SLC30A9: variants seen among roughly 807,000 people sequenced by gnomAD.
SLC30A9 encodes solute carrier family 30 member 9, also known as proton-coupled zinc antiporter SLC30A9, mitochondrial.
SLC30A9 carries 58 observed loss-of-function variants against 87.5 expected under a neutral mutation model. That is an observed-to-expected ratio of 0.66 (90% confidence interval 0.54 to 0.82). SLC30A9 has a LOEUF of 0.82. Among genes scored for constraint, SLC30A9 ranks in the 40% least tolerant of loss-of-function variants. The pLI is 0.00. For missense variants in SLC30A9, 557 were observed against 679.1 expected, an observed-to-expected ratio of 0.82 and a Z score of 2.00; for synonymous variants, 234 against 233.0, an observed-to-expected ratio of 1.00 and a Z score of -0.04.
In SLC30A9 at chr4:42,070,698, C is replaced by T; in HGVS notation, c.1418+7C>T. On this transcript the variant is annotated splice_region_variant and intron_variant, in intron 15 of 17. Coordinates refer to ENST00000264451, the MANE Select transcript of SLC30A9 (RefSeq NM_006345.4). ...AGAATGACCCATCAGTAAGGTCAGC[C>T]TTATTCCAGTAATCCTGTTAAGGCT... 7 of 1,610,560 alleles carry T rather than the reference C, an allele frequency of 4.3e-6. No homozygotes were observed. Among genetic ancestry groups the T allele is most frequent in the Non-Finnish European group, 5.9e-6 (7 of 1,178,070 alleles).
chr4:42,085,061 C>T (rs1179763389), intron 17 of SLC30A9, among the ~76,000 whole-genome samples: 1 of 152,204 alleles, frequency 6.6e-6, no homozygotes, highest in African/African-American at 2.4e-5. Context: ...GTCTTTCCAG[C>T]CTCATTACCA....
Position 42,001,739 on chromosome 4 carries a change from C to T in SLC30A9, c.233C>T (p.Ser78Leu), listed in dbSNP as rs1288615379. The change falls in exon 2 of 18, where the codon TCA (serine) becomes TTA (leucine). Residue 78 changes from serine to leucine, a missense_variant. By Grantham distance (145) the Ser-to-Leu change is moderately radical. Coordinates refer to ENST00000264451, the MANE Select transcript of SLC30A9 (RefSeq NM_006345.4). Reference sequence around the variant, plus strand: ...AATGTTCAGAAAGAAGGACAGGGATCACAAACACTCAGAGTGGAAAAAGTA... The same window carrying T: ...AATGTTCAGAAAGAAGGACAGGGATTACAAACACTCAGAGTGGAAAAAGTA... ...STNVQKEGQGSQTLRVEKVPS... is the reference protein window; with the variant it reads ...STNVQKEGQGLQTLRVEKVPS... 6.2e-7 allele frequency: 1 copy of T among 1,610,860 alleles called. No individual in the cohort carries two copies. Among genetic ancestry groups the T allele is most frequent in the Admixed American group, 1.7e-5 (1 of 59,452 alleles).
chr4:42,034,943 T>C (rs151272129), intron 6 of SLC30A9, among the ~76,000 whole-genome samples: 34 of 152,294 alleles, frequency 2.2e-4, no homozygotes, highest in African/African-American at 7.5e-4. Context: ...CCTTGTTATT[T>C]TCTGTTTCTT....
At chr4:42,046,990 G>A (rs1053397839) in intron 8 of SLC30A9, among the ~76,000 whole-genome samples, 2 of 152,184 alleles carry the variant, frequency 1.3e-5, no homozygotes, top group African/African-American at 2.4e-5. Flanking sequence ...AAGGATTCCC[G>A]ATTTAATAAA....
rs377400378 is a variant in SLC30A9, at chr4:42,005,864, A to G, written c.274+4084A>G. Among the ~76,000 whole-genome samples the G allele has an allele frequency of 3.3e-5, 5 of 152,206 alleles. No individual in the cohort carries two copies. In the East Asian group the frequency reaches 9.6e-4, roughly 29 times the overall value. ...TTGAGCACTTTTTATATGGCAGCAA[A>G]TGAGAATGACTCAGAGTTGATTACT... On this transcript the variant is annotated intron_variant, in intron 2 of 17. Coordinates refer to ENST00000264451, the MANE Select transcript of SLC30A9 (RefSeq NM_006345.4).
rs926711501 is a variant in SLC30A9, at chr4:42,088,383, A to T, written c.*2257A>T. 8 of 152,242 alleles carry T rather than the reference A, an allele frequency of 5.3e-5. No homozygotes were observed. Among genetic ancestry groups the T allele is most frequent in the African/African-American group, 1.9e-4 (8 of 41,420 alleles). The allele number at this position is 152,242 out of a possible 1,614,324, so 9.4% of individuals were successfully genotyped here. On this transcript the variant is annotated 3_prime_UTR_variant, in exon 18 of 18. Coordinates refer to ENST00000264451, the MANE Select transcript of SLC30A9 (RefSeq NM_006345.4). ...AACACAGCGAGACCTCATCTCTACTAAAAAAAGTTAGCCGGGTGTGGTGGT... is the reference window on the plus strand; with the variant it reads ...AACACAGCGAGACCTCATCTCTACTTAAAAAAGTTAGCCGGGTGTGGTGGT...
intron 17 of SLC30A9, among the ~76,000 whole-genome samples, chr4:42,079,952 A>G (rs1049101376): frequency 2.0e-5 from 3 of 152,124 alleles, no homozygotes; most frequent in Admixed American, 1.3e-4. Flanking sequence ...TTCCAAAATG[A>G]AAAAACGTAG....
chr4:42,066,514 G>C (rs748036091), intron 12 of SLC30A9, 36 bp from the exon 13 acceptor site: 1 of 1,427,038 alleles, frequency 7.0e-7, no homozygotes, highest in Admixed American at 1.9e-5. Context: ...GAGGCATGAA[G>C]TTTCTGTCTT....
chr4:42,018,145 T>C lies in SLC30A9; in HGVS notation c.309T>C (p.Leu103=), dbSNP rs1715798999. Residue 103 remains leucine (L), a synonymous_variant, in exon 3 of 18, where the codon CTT becomes CTC. Transcript: ENST00000264451. ...TAGGCACAGAACTCAAAGCTCCACT[T>C]AAGCAAGAACCTCTCCAAGTAAGAG... is the stretch of plus-strand genomic sequence containing the variant. ...EGIGTELKAP[L]KQEPLQVRVK... 6.4e-7 allele frequency: 1 copy of C among 1,569,936 alleles called. No homozygotes were observed. The highest frequency in any genetic ancestry group is 1.7e-5 in the Admixed American group (1 of 59,128).
At chr4:42,056,593 G>A (rs1160233655) in intron 9 of SLC30A9, among the ~76,000 whole-genome samples, 2 of 152,014 alleles carry the variant, frequency 1.3e-5, no homozygotes, top group Non-Finnish European at 2.9e-5. Context: ...ATTTGGGTGG[G>A]GACACAGCCA....
rs992566012 is a variant in SLC30A9, at chr4:42,056,236, A to G, written c.841-3955A>G. 5.9e-5 allele frequency among the ~76,000 whole-genome samples: 9 copies of G among 152,232 alleles called. No homozygotes were observed. The South Asian group carries it at 1.9e-3, about 32-fold the overall frequency. ...AATATAAATACATATATATGTATAC[A>G]TATATACACATAATGTGAATAATGA... On this transcript the variant is annotated intron_variant, in intron 9 of 17. Transcript: ENST00000264451.
rs139949458 is a variant in SLC30A9, at chr4:42,018,139, T to G, written c.303T>G (p.Ala101=). ...TAEGIGTELK[A]PLKQEPLQVR... Reference sequence around the variant, plus strand: ...AAGGTATAGGCACAGAACTCAAAGCTCCACTTAAGCAAGAACCTCTCCAAG... The same window carrying G: ...AAGGTATAGGCACAGAACTCAAAGCGCCACTTAAGCAAGAACCTCTCCAAG... The change falls in exon 3 of 18, where the codon GCT becomes GCG. Residue 101 remains alanine (A), a synonymous_variant. Transcript: ENST00000264451. 1.5e-5 allele frequency: 23 copies of G among 1,569,300 alleles called. No individual in the cohort carries two copies. The African/African-American group carries it at 2.3e-4, about 16-fold the overall frequency.
intron 1 of SLC30A9, among the ~76,000 whole-genome samples, chr4:41,998,809 G>A (rs1031094500): frequency 3.3e-5 from 5 of 152,104 alleles, no homozygotes; most frequent in Non-Finnish European, 7.4e-5. Flanking sequence ...ATTGCTATGT[G>A]TTAGGTATTA....
At chr4:42,030,960 T>C (rs1041643635) in intron 6 of SLC30A9, among the ~76,000 whole-genome samples, 1 of 152,234 alleles carries the variant, frequency 6.6e-6, no homozygotes, top group African/African-American at 2.4e-5. Flanking sequence ...GGCATCATGC[T>C]GATGGTGTGT....
chr4:42,084,906 A>T (rs1238093010), intron 17 of SLC30A9, among the ~76,000 whole-genome samples: 1 of 152,244 alleles, frequency 6.6e-6, no homozygotes, highest in Non-Finnish European at 1.5e-5. Flanking sequence ...CACTGAAGGC[A>T]AATACTGTTT....
At position 42,066,641 on chromosome 4, in the gene SLC30A9, A is replaced by G. The variant is rs758243305; in HGVS notation, c.1144+20A>G. ...AGTATGGTATGTATTTTAGAAACCA[A>G]GTGTTTGTTTCACCTCCCTTATTTG... On this transcript the variant is annotated intron_variant, in intron 13 of 17. Coordinates refer to ENST00000264451, the MANE Select transcript of SLC30A9 (RefSeq NM_006345.4). 1.9e-5 allele frequency: 29 copies of G among 1,562,390 alleles called. No homozygotes were observed. Among genetic ancestry groups the G allele is most frequent in the Non-Finnish European group, 2.5e-5 (29 of 1,137,970 alleles).
chr4:42,021,902 C>T lies in SLC30A9; in HGVS notation c.435-936C>T, dbSNP rs920574444. Among the ~76,000 whole-genome samples the T allele has an allele frequency of 1.3e-5, 2 of 149,794 alleles. 1 individual carries two copies. The highest frequency in any genetic ancestry group is 3.0e-5 in the Non-Finnish European group (2 of 67,520). ...AGTAACTGGGACTATGGCTGTGCGC[C>T]ACCACGCCTGGCTAATTTTTTTTTT... On this transcript the variant is annotated intron_variant, in intron 4 of 17. Coordinates refer to ENST00000264451, the MANE Select transcript of SLC30A9 (RefSeq NM_006345.4).
rs747926445 is a variant in SLC30A9, at chr4:42,065,312, A to G, written c.1035A>G (p.Ala345=). 4 of 1,320,196 alleles carry G rather than the reference A, an allele frequency of 3.0e-6. No individual in the cohort carries two copies. The highest frequency in any genetic ancestry group is 2.9e-5 in the African/African-American group (2 of 69,398). 81.8% of individuals were successfully genotyped at this position (1,320,196 alleles called of 1,614,324 possible). A position where few individuals can be genotyped will look rare whatever the true frequency, so the allele number is the denominator to read the frequency against. Residue 345 remains alanine (A), a splice_region_variant and synonymous_variant, in exon 12 of 18, where the codon GCA becomes GCG. Coordinates refer to ENST00000264451, the MANE Select transcript of SLC30A9 (RefSeq NM_006345.4). The part of the protein sequence containing the change: ...HPQPIESLLW[A]YCILAGSLVS... ...TTATTTTAATATTTCTTTTCTAGGCATATTGTATTTTAGCAGGATCATTAG... is the reference window on the plus strand; with the variant it reads ...TTATTTTAATATTTCTTTTCTAGGCGTATTGTATTTTAGCAGGATCATTAG...
At position 41,990,578 on chromosome 4, in the gene SLC30A9, A is replaced by G; in HGVS notation, c.-74A>G. The G allele has an allele frequency of 4.6e-6, 4 of 866,854 alleles. No individual in the cohort carries two copies. The highest frequency in any genetic ancestry group is 2.5e-5 in the Admixed American group (1 of 39,982). 53.7% of individuals were successfully genotyped at this position (866,854 alleles called of 1,614,324 possible). ...ATCGGTGTTCGCTGATGTCCAGTCT[A>G]TGGAGTCAGTTGGTACCGGTGGCGG... is the stretch of plus-strand genomic sequence containing the variant. On this transcript the variant is annotated 5_prime_UTR_variant, in exon 1 of 18. It removes an upstream start codon present in the reference 5' UTR. Transcript: ENST00000264451.
Sources: allele counts gnomAD v4.1 joint callset (sites outside exome capture counted in the v4.1 genomes callset), GRCh38; gene constraint gnomAD v4.1.1; transcripts MANE v1.5; gene names NCBI Gene and HGNC (gene_info 2026-07-23, HGNC 2026-07-21).